The following AGBL4 variants were observed in gnomAD, a reference collection of about 807,000 sequenced individuals.
AGBL4 encodes cytosolic carboxypeptidase 6.
Under a neutral mutation model 66.4 loss-of-function variants are expected in AGBL4, and 58 were observed. The ratio of observed to expected loss-of-function variants is 0.87; its 90% CI spans 0.71 to 1.09. The LOEUF (loss-of-function observed/expected upper bound fraction) is 1.09, where lower values mean the gene tolerates loss of function less well. Ranked by LOEUF, AGBL4 falls within the 50% of genes least tolerant of loss-of-function variation. The probability of loss-of-function intolerance (pLI) is 0.00; values close to 1 mark genes in which losing one functional copy is unlikely to be tolerated. For synonymous variants in AGBL4, 234 were observed against 222.9 expected (o/e 1.05, Z -0.44); for missense variants, 579 against 631.0 (o/e 0.92, Z 0.88).
At chr1:49,008,855 AT>A (rs1662107061) in intron 5 of AGBL4, among the ~76,000 whole-genome samples, 1 of 152,080 alleles carries the variant, frequency 6.6e-6, no homozygotes, top group Admixed American at 6.6e-5. Flanking sequence ...ACATACCATT[AT>A]CTGTGGGACG....
chr1:49,687,706 C>G (rs1219237525), intron 3 of AGBL4, among the ~76,000 whole-genome samples: 2 of 151,778 alleles, frequency 1.3e-5, no homozygotes, highest in Admixed American at 6.6e-5. Flanking sequence ...ACCCAGGAGG[C>G]AGAGGTTGCA....
intron 3 of AGBL4, among the ~76,000 whole-genome samples, chr1:49,282,923 A>T (rs1004717935): frequency 6.6e-6 from 1 of 152,132 alleles, no homozygotes; most frequent in South Asian, 2.1e-4. Flanking sequence ...TCCAACTGCA[A>T]GGCGGCAGCG....
chr1:48,865,245 G>C (rs1383021146), intron 6 of AGBL4, among the ~76,000 whole-genome samples: 1 of 152,100 alleles, frequency 6.6e-6, no homozygotes, highest in African/African-American at 2.4e-5. Context: ...ACATGGAATA[G>C]AGTCATCCAG....
At chr1:49,264,967 T>C (rs1013665279) in intron 3 of AGBL4, among the ~76,000 whole-genome samples, 5 of 152,248 alleles carry the variant, frequency 3.3e-5, no homozygotes, top group Non-Finnish European at 5.9e-5. Flanking sequence ...GATCTTTTCT[T>C]ATCTTTTATG....
At chr1:49,637,368 TCGGC>T (rs577334997) in intron 3 of AGBL4, among the ~76,000 whole-genome samples, 133 of 152,264 alleles carry the variant, frequency 8.7e-4, no homozygotes, top group Admixed American at 1.7e-3. Flanking sequence ...TGGGATGATC[TCGGC>T]TCGCTGCAAC....
chr1:48,602,034 T>G (rs1480589599), intron 9 of AGBL4, among the ~76,000 whole-genome samples: 5 of 152,186 alleles, frequency 3.3e-5, no homozygotes, highest in Non-Finnish European at 7.3e-5. Flanking sequence ...TGTTGCTTCC[T>G]TATAAATCAA....
chr1:49,087,493 C>T (rs1369514280), intron 4 of AGBL4, among the ~76,000 whole-genome samples: 1 of 152,116 alleles, frequency 6.6e-6, no homozygotes, highest in African/African-American at 2.4e-5. Context: ...AATCTTAGAG[C>T]TCAAAGACTG....
chr1:48,534,075 C>T lies in AGBL4; in HGVS notation c.*98G>A. The T allele has an allele frequency of 6.5e-7, 1 of 1,527,072 alleles. No homozygotes were observed. The allele number at this position is 1,527,072 out of a possible 1,614,324, so 94.6% of individuals were successfully genotyped here. ...CCCTTTCACTAGCCTATGCATTAAT[C>T]CACAAATCCTTGGAAGCTAGAGAAG... On this transcript the variant is annotated 3_prime_UTR_variant, in exon 14 of 14. Transcript: ENST00000371839.
At chr1:48,925,270 T>G (rs758956019) in intron 5 of AGBL4, among the ~76,000 whole-genome samples, 3 of 152,138 alleles carry the variant, frequency 2.0e-5, no homozygotes, top group Non-Finnish European at 4.4e-5. Flanking sequence ...TCAAGTCCTT[T>G]ATTTAAAATA....
At chr1:49,634,380 A>G (rs1370166487) in intron 3 of AGBL4, among the ~76,000 whole-genome samples, 1 of 152,160 alleles carries the variant, frequency 6.6e-6, no homozygotes, top group Non-Finnish European at 1.5e-5. Context: ...ATGTCCCTGC[A>G]AAGGAAATGA....
At chr1:49,765,313 A>AT (rs1652653967) in intron 2 of AGBL4, among the ~76,000 whole-genome samples, 1 of 152,080 alleles carries the variant, frequency 6.6e-6, no homozygotes, top group Admixed American at 6.6e-5. Context: ...ATGGCTCAAT[A>AT]CAAAACCTGC....
intron 6 of AGBL4, among the ~76,000 whole-genome samples, chr1:48,857,220 C>T (rs557376409): frequency 1.3e-5 from 2 of 152,268 alleles, no homozygotes; most frequent in South Asian, 4.2e-4. Context: ...TTAGTTTACT[C>T]CACCAAATAT....
At chr1:48,643,848 A>G (rs1304500750) in intron 8 of AGBL4, among the ~76,000 whole-genome samples, 1 of 152,110 alleles carries the variant, frequency 6.6e-6, no homozygotes, top group Non-Finnish European at 1.5e-5. Context: ...TGAAGGGTCT[A>G]TTCTGGTCTT....
At chr1:48,942,192 A>G (rs1364266421) in intron 5 of AGBL4, among the ~76,000 whole-genome samples, 1 of 152,204 alleles carries the variant, frequency 6.6e-6, no homozygotes, top group African/African-American at 2.4e-5. Context: ...CTTTGATGCA[A>G]GAAAAGAGAT....
intron 2 of AGBL4, among the ~76,000 whole-genome samples, chr1:49,706,265 G>C (rs1352861944): frequency 6.6e-6 from 1 of 152,036 alleles, no homozygotes; most frequent in African/African-American, 2.4e-5. Flanking sequence ...ACTTCTTCCT[G>C]GTTTAGTCTT....
chr1:48,961,501 A>C (rs1188329760), intron 5 of AGBL4, among the ~76,000 whole-genome samples: 1 of 152,228 alleles, frequency 6.6e-6, no homozygotes, highest in African/African-American at 2.4e-5. Context: ...ACAGCAAGGG[A>C]AAACTGTGTG....
At chr1:49,171,624 T>A (rs1370885976) in intron 4 of AGBL4, among the ~76,000 whole-genome samples, 1 of 152,190 alleles carries the variant, frequency 6.6e-6, no homozygotes, top group Non-Finnish European at 1.5e-5. Flanking sequence ...ACCATCACCC[T>A]TCCTTGGGTG....
At position 49,845,600 on chromosome 1, in the gene AGBL4, A is replaced by C. The variant is rs1397618512; in HGVS notation, c.157+5796T>G. 5.0e-6 allele frequency: 8 copies of C among 1,607,742 alleles called. No individual in the cohort carries two copies. The Admixed American group carries it at 8.4e-5, about 17-fold the overall frequency. ...CCCTACGAGTGCCATGAGTGTGGAA[A>C]AGCCTTCACCCAGATCACACCACTG... is the stretch of plus-strand genomic sequence containing the variant. On this transcript the variant is annotated intron_variant, in intron 2 of 13. Transcript: ENST00000371839.
chr1:48,831,768 C>T (rs1646558136), intron 6 of AGBL4, among the ~76,000 whole-genome samples: 1 of 152,256 alleles, frequency 6.6e-6, no homozygotes. Context: ...ATAATCGGTA[C>T]ACAATAAAAA....
Sources: gnomAD v4.1 joint callset for allele counts (sites outside exome capture counted in the v4.1 genomes callset) on GRCh38, gnomAD v4.1.1 for gene constraint, MANE v1.5 for transcripts, NCBI Gene and HGNC (gene_info 2026-07-23, HGNC 2026-07-21) for gene names.